The following BAIAP2L2 variants were observed in gnomAD, a reference collection of about 807,000 sequenced individuals.
The protein encoded by BAIAP2L2 is BAR/IMD domain-containing adapter protein 2-like 2.
Under a neutral mutation model 60.4 loss-of-function variants are expected in BAIAP2L2, and 65 were observed. That is an observed-to-expected ratio of 1.08 (90% CI 0.88 to 1.32). The LOEUF is 1.32. Among genes scored for constraint, BAIAP2L2 ranks in the 40% most tolerant of loss-of-function variants. The probability of loss-of-function intolerance (pLI) is 0.00; values close to 1 mark genes in which losing one functional copy is unlikely to be tolerated. For synonymous variants in BAIAP2L2, 344 were observed against 301.7 expected, an observed-to-expected ratio of 1.14 and a Z score of -1.45; for missense variants, 836 against 741.2, an observed-to-expected ratio of 1.13 and a Z score of -1.48.
chr22:38,089,480 C>T (rs1282284582), intron 8 of BAIAP2L2, 42 bp downstream of exon 8: 11 of 1,127,830 alleles, frequency 9.8e-6, no homozygotes, highest in South Asian at 4.4e-5. Context: ...CCGCGGGGGG[C>T]GGCGGGGGCG....
At chr22:38,108,102 G>T (rs978292223) in intron 3 of BAIAP2L2, among the ~76,000 whole-genome samples, 153 bp downstream of exon 3, 1 of 152,250 alleles carries the variant, frequency 6.6e-6, no homozygotes, top group Non-Finnish European at 1.5e-5. Context: ...AGCCCGGCAG[G>T]GAGTGGTGGC....
intron 12 of BAIAP2L2, 99 bp downstream of exon 12, chr22:38,086,143 G>C (rs568510739): frequency 1.5e-6 from 2 of 1,315,812 alleles, no homozygotes; most frequent in Non-Finnish European, 2.1e-6. Flanking sequence ...CCAGGTAGGC[G>C]GGTCCCCTGC....
At chr22:38,098,295 G>A (rs1308104995) in intron 5 of BAIAP2L2, 116 bp from the exon 6 acceptor site, 6 of 1,441,848 alleles carry the variant, frequency 4.2e-6, no homozygotes, top group Middle Eastern at 1.7e-4. Context: ...CTGGGAACAT[G>A]GATAATCTGG....
intron 8 of BAIAP2L2, 107 bp from the exon 9 acceptor site, chr22:38,089,338 G>A (rs2086216606): frequency 8.7e-6 from 5 of 575,084 alleles, no homozygotes; most frequent in African/African-American, 2.0e-5. Flanking sequence ...TAGGGGTTCT[G>A]GGGGCGGAGA....
At chr22:38,090,116 T>TTTTTTTATTTA (rs2086254639) in intron 7 of BAIAP2L2, 1 of 127,440 alleles carries the variant, frequency 7.8e-6, no homozygotes. Flanking sequence ...TTTTTTTTTT[T>TTTTTTTATTTA]TTTTTTTTTT....
At chr22:38,097,298 ACCC>A (rs1299420195) in intron 6 of BAIAP2L2, 120 bp from the exon 7 acceptor site, 1 of 1,038,452 alleles carries the variant, frequency 9.6e-7, no homozygotes, top group East Asian at 2.7e-5. Context: ...CCCCAAGCCC[ACCC>A]CCCATCACCC....
chr22:38,109,012 G>A (rs2086729797), intron 2 of BAIAP2L2, 121 bp downstream of exon 2: 1 of 852,812 alleles, frequency 1.2e-6, no homozygotes, highest in Non-Finnish European at 1.9e-6. Flanking sequence ...AGGGTGGTGG[G>A]TAGGAGGGTG....
rs867667945 is a variant in BAIAP2L2 at position 38,089,331 on chromosome 22, G to A, written c.766-100C>T. ...CCCCCAGTCCCAGGCGTCGGCGTAG[G>A]GGTTCTGGGGGCGGAGACCGGGCCA... is the stretch of plus-strand genomic sequence containing the variant. On this transcript the variant is annotated intron_variant, in intron 8 of 13. Transcript: ENST00000381669. The A allele has an allele frequency of 4.0e-5, 23 of 575,144 alleles. No individual in the cohort carries two copies. In the African/African-American group the frequency reaches 4.1e-4, roughly 10 times the overall value. The allele number at this position is 575,144 out of a possible 1,614,324, so 35.6% of individuals were successfully genotyped here.
chr22:38,088,992 T>C (rs1363638291), intron 9 of BAIAP2L2, 28 bp from the exon 10 acceptor site: 6 of 1,479,330 alleles, frequency 4.1e-6, no homozygotes, highest in East Asian at 2.6e-5. Flanking sequence ...CGGCGGCACG[T>C]GGGCAGGAAG....
intron 6 of BAIAP2L2, 82 bp downstream of exon 6, chr22:38,097,981 T>G (rs2146001671): frequency 7.5e-7 from 1 of 1,334,718 alleles, no homozygotes; most frequent in Non-Finnish European, 1.1e-6. Context: ...AGGGAGGCGT[T>G]CGGGGTTCCC....
chr22:38,086,690 G>A (rs2086085591), intron 11 of BAIAP2L2, among the ~76,000 whole-genome samples: 2 of 152,118 alleles, frequency 1.3e-5, no homozygotes, highest in East Asian at 3.9e-4. Flanking sequence ...AGGGGGCTGG[G>A]CCCACTCAAG....
At chr22:38,108,366 G>A (rs755803891) in intron 2 of BAIAP2L2, 25 bp from the exon 3 acceptor site, 41 of 1,575,922 alleles carry the variant, frequency 2.6e-5, no homozygotes, top group Admixed American at 1.8e-4. Flanking sequence ...GGACAGGTCT[G>A]GTCCAGCCCT....
chr22:38,098,014 TCTGC>T, intron 6 of BAIAP2L2, 45 bp downstream of exon 6: 4 of 791,416 alleles, frequency 5.1e-6, no homozygotes, highest in East Asian at 3.4e-5. Flanking sequence ...CGCCCCGAGG[TCTGC>T]CCACCCGCCC....
At position 38,089,541 on chromosome 22, in the gene BAIAP2L2, G is replaced by C. The variant is rs868560844; in HGVS notation, c.746C>G (p.Thr249Arg). The change falls in exon 8 of 14, where the codon ACG becomes AGG. Residue 249 changes from threonine (T) to arginine (R), a missense_variant. By Grantham distance (71) the Thr-to-Arg change is moderately conservative. Coordinates refer to ENST00000381669, the MANE Select transcript of BAIAP2L2 (RefSeq NM_025045.6). ...LGPPYPSGRL[T>R]PTCLDMPPRP... ...CCTCACCATGTCCAGGCAGGTGGGC[G>C]TCAGGCGGCCCGAGGGGTAGGGCGG... is the stretch of plus-strand genomic sequence containing the variant. 4 of 1,221,596 alleles carry C rather than the reference G, an allele frequency of 3.3e-6. No homozygotes were observed. In the East Asian group the frequency reaches 1.3e-4, roughly 40 times the overall value. 75.7% of individuals were successfully genotyped at this position (1,221,596 alleles called of 1,614,324 possible).
chr22:38,105,562 C>T (rs780025097), intron 4 of BAIAP2L2, among the ~76,000 whole-genome samples: 7 of 151,896 alleles, frequency 4.6e-5, no homozygotes, highest in Non-Finnish European at 7.4e-5. Context: ...AGGTTAGTCT[C>T]GAACTCCTGA....
At chr22:38,110,351 G>T (rs2086817032) in intron 1 of BAIAP2L2, 124 bp downstream of exon 1, 1 of 1,018,422 alleles carries the variant, frequency 9.8e-7, no homozygotes, top group Non-Finnish European at 1.5e-6. Flanking sequence ...GGCCCAGCCT[G>T]GCTCCAGGCT....
intron 7 of BAIAP2L2, chr22:38,090,660 C>A (rs918755271): frequency 1.3e-5 from 2 of 152,122 alleles, no homozygotes; most frequent in Non-Finnish European, 2.9e-5. Flanking sequence ...CGCAATAGCC[C>A]TGGGTGGTAG....
intron 7 of BAIAP2L2, among the ~76,000 whole-genome samples, chr22:38,092,094 T>C (rs2086318137): frequency 6.6e-6 from 1 of 152,260 alleles, no homozygotes; most frequent in South Asian, 2.1e-4. Context: ...ATTCCACTTC[T>C]AGGAATTTAT....
intron 7 of BAIAP2L2, among the ~76,000 whole-genome samples, chr22:38,094,372 G>C (rs1555965903): frequency 6.6e-6 from 1 of 152,106 alleles, no homozygotes; most frequent in Non-Finnish European, 1.5e-5. Context: ...TTTTAGTAGA[G>C]ACGGGTTTTC....
Sources: gnomAD v4.1 joint callset for allele counts (sites outside exome capture counted in the v4.1 genomes callset) on GRCh38, gnomAD v4.1.1 for gene constraint, MANE v1.5 for transcripts, NCBI Gene and HGNC (gene_info 2026-07-23, HGNC 2026-07-21) for gene names.